Variants in COMMD1 observed in about 807,000 individuals in gnomAD.
COMMD1 encodes COMM domain-containing protein 1.
A neutral mutation model predicts 17.2 loss-of-function variants in COMMD1; 10 were observed. The observed-to-expected ratio is 0.58, with a 90% CI of 0.36 to 0.99. The LOEUF (loss-of-function observed/expected upper bound fraction) is 0.99. COMMD1 is among the 50% of genes least tolerant of loss of function. The probability of loss-of-function intolerance (pLI) is 0.01; values close to 1 mark genes in which losing one functional copy is unlikely to be tolerated. For missense variants in COMMD1, 270 were observed against 231.8 expected (o/e 1.17, Z -1.07); for synonymous variants, 97 against 91.6 (o/e 1.06, Z -0.34).
intron 2 of COMMD1, among the ~76,000 whole-genome samples, chr2:62,065,065 G>T (rs1302336556): frequency 2.0e-5 from 3 of 152,096 alleles, no homozygotes; most frequent in African/African-American, 7.2e-5. Context: ...CTACTTGTGG[G>T]ATTACAGGTG....
intron 2 of COMMD1, among the ~76,000 whole-genome samples, chr2:62,063,596 T>C (rs1670936769): frequency 6.6e-6 from 1 of 152,164 alleles, no homozygotes; most frequent in African/African-American, 2.4e-5. Flanking sequence ...GTAGCGTTGC[T>C]ACATTAACTA....
At chr2:62,111,112 G>A (rs926931099) in intron 2 of COMMD1, among the ~76,000 whole-genome samples, 3 of 152,120 alleles carry the variant, frequency 2.0e-5, no homozygotes, top group African/African-American at 4.8e-5. Flanking sequence ...CTTTACGAAT[G>A]GAGATTTTCT....
intron 2 of COMMD1, among the ~76,000 whole-genome samples, chr2:62,059,324 T>TAA (rs202064244): frequency 2.6e-5 from 4 of 151,212 alleles, no homozygotes; most frequent in African/African-American, 9.8e-5. Flanking sequence ...CTGGCTAATT[T>TAA]AAAAAAAAAT....
intron 1 of COMMD1, among the ~76,000 whole-genome samples, chr2:61,924,820 A>G (rs748429111): frequency 9.2e-5 from 14 of 152,118 alleles, no homozygotes; most frequent in Non-Finnish European, 1.6e-4. Context: ...GGAATGGAGG[A>G]GCAGTGGGTA....
intron 1 of COMMD1, among the ~76,000 whole-genome samples, chr2:61,891,828 T>A (rs916830248): frequency 2.0e-5 from 3 of 151,870 alleles, no homozygotes; most frequent in African/African-American, 4.8e-5. Flanking sequence ...GATATTTATT[T>A]TTTATTTATT....
At chr2:62,016,206 C>CTTTTTTTT (rs769583167) in intron 2 of COMMD1, among the ~76,000 whole-genome samples, 4 of 112,260 alleles carry the variant, frequency 3.6e-5, no homozygotes, top group African/African-American at 6.9e-5. Flanking sequence ...CTTTTCTTTT[C>CTTTTTTTT]TTTTTTTTTT....
intron 2 of COMMD1, among the ~76,000 whole-genome samples, chr2:62,054,798 T>C (rs1187271405): frequency 2.0e-5 from 3 of 152,194 alleles, no homozygotes. Context: ...CTAAAAGCCG[T>C]GACTTGACCT....
At chr2:62,041,148 A>G (rs1216222079) in intron 2 of COMMD1, among the ~76,000 whole-genome samples, 2 of 152,220 alleles carry the variant, frequency 1.3e-5, no homozygotes, top group African/African-American at 2.4e-5. Context: ...CAGGAATGCA[A>G]TATTACATTT....
intron 1 of COMMD1, among the ~76,000 whole-genome samples, chr2:61,925,938 G>A (rs1335285736): frequency 6.6e-6 from 1 of 152,028 alleles, no homozygotes; most frequent in Non-Finnish European, 1.5e-5. Context: ...GCCAATTGCA[G>A]AGTTAGTGTT....
At chr2:61,951,061 A>C (rs1475180801) in intron 1 of COMMD1, among the ~76,000 whole-genome samples, 1 of 152,150 alleles carries the variant, frequency 6.6e-6, no homozygotes, top group Non-Finnish European at 1.5e-5. Context: ...TGCCAATGGC[A>C]ATGGGCAGAC....
At chr2:61,969,013 C>T (rs1327736118) in intron 1 of COMMD1, 2 of 436,032 alleles carry the variant, frequency 4.6e-6, no homozygotes, top group Non-Finnish European at 9.1e-6. Flanking sequence ...AATGGGTATT[C>T]ATAGGCACAA....
intron 2 of COMMD1, among the ~76,000 whole-genome samples, chr2:62,058,181 A>G (rs2103932990): frequency 6.6e-6 from 1 of 152,296 alleles, no homozygotes; most frequent in South Asian, 2.1e-4. Flanking sequence ...TGAAAAGAAT[A>G]TATTTTGTGA....
At chr2:62,074,052 AAC>A (rs1671272337) in intron 2 of COMMD1, among the ~76,000 whole-genome samples, 2 of 152,164 alleles carry the variant, frequency 1.3e-5, no homozygotes, top group African/African-American at 4.8e-5. Context: ...ACACTATACA[AAC>A]CAGGGCCAGC....
chr2:61,983,725 T>C (rs747430956), intron 1 of COMMD1, among the ~76,000 whole-genome samples: 13 of 152,206 alleles, frequency 8.5e-5, no homozygotes, highest in Non-Finnish European at 1.5e-4. Flanking sequence ...ATTTGAATCT[T>C]GTATTTTCTT....
chr2:61,996,780 A>T (rs1013310719), intron 1 of COMMD1, among the ~76,000 whole-genome samples: 2 of 152,136 alleles, frequency 1.3e-5, no homozygotes, highest in African/African-American at 4.8e-5. Flanking sequence ...TTCAGATTTC[A>T]CTTCTAATTC....
At chr2:61,905,900 C>T (rs1389986232) in intron 1 of COMMD1, 42 bp downstream of exon 1, 2 of 1,603,092 alleles carry the variant, frequency 1.2e-6, no homozygotes, top group East Asian at 4.5e-5. Flanking sequence ...AGCAGAACCC[C>T]TTGGCCGCTG....
intron 1 of COMMD1, among the ~76,000 whole-genome samples, chr2:61,947,932 C>T (rs986649877): frequency 2.0e-5 from 3 of 151,824 alleles, no homozygotes; most frequent in East Asian, 1.9e-4. Flanking sequence ...AAAATCACAT[C>T]TGTAAATTTA....
At chr2:62,114,798 G>A (rs1436045880) in intron 2 of COMMD1, among the ~76,000 whole-genome samples, 3 of 152,152 alleles carry the variant, frequency 2.0e-5, no homozygotes, top group African/African-American at 7.2e-5. Context: ...TCCACTAGCC[G>A]ATGCATGTGT....
At chr2:62,069,180 A>G (rs1447556273) in intron 2 of COMMD1, among the ~76,000 whole-genome samples, 4 of 151,468 alleles carry the variant, frequency 2.6e-5, no homozygotes, top group Non-Finnish European at 2.9e-5. Flanking sequence ...TTTGTTTTGT[A>G]GAGACAAGGT....
Sources: allele counts gnomAD v4.1 joint callset (sites outside exome capture counted in the v4.1 genomes callset), GRCh38; gene constraint gnomAD v4.1.1; transcripts MANE v1.5; gene names NCBI Gene and HGNC (gene_info 2026-07-23, HGNC 2026-07-21).